The following HDAC9 variants were observed in gnomAD, a reference collection of about 807,000 sequenced individuals.
HDAC9 encodes histone deacetylase 9, also known as MEF-2 interacting transcription repressor (MITR) protein.
A neutral mutation model predicts 139.4 loss-of-function variants in HDAC9; 41 were observed. That is an observed-to-expected ratio of 0.29 (90% confidence interval 0.23 to 0.38). The LOEUF is 0.38. HDAC9 is among the 10% of genes least tolerant of loss of function. The probability of loss-of-function intolerance (pLI) is 1.00; values close to 1 mark genes in which losing one functional copy is unlikely to be tolerated. For synonymous variants in HDAC9, 517 were observed against 476.2 expected (o/e 1.09, Z -1.12); for missense variants, 1,147 against 1,297.0 (o/e 0.88, Z 1.78).
rs1048681552 is a variant in HDAC9 at position 18,398,530 on chromosome 7, C to A, written c.-41-97732C>A. Among the ~76,000 whole-genome samples the A allele has an allele frequency of 3.1e-4, 47 of 151,208 alleles. 1 individual carries two copies. Among genetic ancestry groups the A allele is most frequent in the Admixed American group, 3.0e-3 (46 of 15,208 alleles). On this transcript the variant is annotated intron_variant, in intron 1 of 3. Transcript: ENST00000413509. ...TACAACATTTGCCTTTTTTTTTAAC[C>A]TGGAAACATTGTGATGGACTTTATA...
rs956628512 is a variant in HDAC9 at position 18,802,663 on chromosome 7, G to T, written c.2322+9211G>T. Among the ~76,000 whole-genome samples the T allele has an allele frequency of 2.6e-5, 4 of 151,530 alleles. No homozygotes were observed. The East Asian group carries it at 7.7e-4, about 29-fold the overall frequency. On this transcript the variant is annotated intron_variant, in intron 17 of 25. Transcript: ENST00000686413. ...TATCTTTATGGAACTGTTAATTTTTGCTTTAGATATTTAAAAACTCTGTTA... is the reference window on the plus strand; with the variant it reads ...TATCTTTATGGAACTGTTAATTTTTTCTTTAGATATTTAAAAACTCTGTTA...
At chr7:18,110,274 A>T (rs531012020) in intron 1 of HDAC9, among the ~76,000 whole-genome samples, 1 of 152,328 alleles carries the variant, frequency 6.6e-6, no homozygotes, top group South Asian at 2.1e-4. Context: ...GCAGAAGTTC[A>T]TAGTCTACTG....
intron 1 of HDAC9, among the ~76,000 whole-genome samples, chr7:18,381,632 CTATT>C (rs1207557687): frequency 5.9e-5 from 9 of 151,902 alleles, no homozygotes; most frequent in Admixed American, 1.3e-4. Context: ...TGAGAATAGA[CTATT>C]CATTCAGTAC....
At chr7:18,969,767 T>C (rs897535649) in intron 24 of HDAC9, among the ~76,000 whole-genome samples, 2 of 152,304 alleles carry the variant, frequency 1.3e-5, no homozygotes, top group Admixed American at 6.5e-5. Flanking sequence ...AGAAAATTAG[T>C]GAAGTTGAAG....
intron 17 of HDAC9, among the ~76,000 whole-genome samples, chr7:18,824,087 G>GAAGAAGAAC (rs1331001570): frequency 2.3e-4 from 34 of 147,540 alleles, no homozygotes; most frequent in African/African-American, 7.4e-4. Context: ...AGAAGAAGAA[G>GAAGAAGAAC]AACAAGAACA....
chr7:18,157,608 G>A (rs953995953), intron 1 of HDAC9, among the ~76,000 whole-genome samples: 3 of 152,186 alleles, frequency 2.0e-5, no homozygotes, highest in Admixed American at 6.5e-5. Flanking sequence ...AGAGGTCAGT[G>A]TTCTGACTCT....
At chr7:18,849,522 C>G (rs182170521) in intron 21 of HDAC9, among the ~76,000 whole-genome samples, 1 of 152,126 alleles carries the variant, frequency 6.6e-6, no homozygotes, top group East Asian at 1.9e-4. Flanking sequence ...GGGCACATAT[C>G]TCCCACACTT....
chr7:18,825,609 A>C (rs1795363287), intron 17 of HDAC9, among the ~76,000 whole-genome samples: 2 of 152,008 alleles, frequency 1.3e-5, no homozygotes, highest in Admixed American at 1.3e-4. Flanking sequence ...AAAGTAGGAC[A>C]GACCACCTTT....
At chr7:18,458,916 T>C in intron 1 of HDAC9, 2 of 1,522,178 alleles carry the variant, frequency 1.3e-6, no homozygotes, top group Non-Finnish European at 1.8e-6. Context: ...AACCAGACCT[T>C]ATCCTTTTTC....
chr7:18,697,850 G>GATGTTATTTTAGGGTTGA (rs1461760236), intron 12 of HDAC9, among the ~76,000 whole-genome samples: 3 of 151,962 alleles, frequency 2.0e-5, no homozygotes, highest in Non-Finnish European at 4.4e-5. Flanking sequence ...TTTAGGGTTG[G>GATGTTATTTTAGGGTTGA]ATGTTATTTT....
intron 12 of HDAC9, among the ~76,000 whole-genome samples, chr7:18,719,734 T>C (rs1305641720): frequency 6.6e-6 from 1 of 152,136 alleles, no homozygotes; most frequent in Non-Finnish European, 1.5e-5. Flanking sequence ...AATATTATAG[T>C]TTTAGATCTT....
At chr7:18,926,152 C>G (rs1405004438) in intron 22 of HDAC9, among the ~76,000 whole-genome samples, 1 of 152,066 alleles carries the variant, frequency 6.6e-6, no homozygotes, top group Non-Finnish European at 1.5e-5. Context: ...AGTTCTAGAC[C>G]AGCCTGGGCA....
At chr7:18,128,838 C>T (rs1309152986) in intron 1 of HDAC9, among the ~76,000 whole-genome samples, 1 of 152,036 alleles carries the variant, frequency 6.6e-6, no homozygotes, top group African/African-American at 2.4e-5. Flanking sequence ...TTCCTTCCCT[C>T]TCTTCCTGTC....
intron 24 of HDAC9, among the ~76,000 whole-genome samples, chr7:18,972,346 A>AGC (rs1389370674): frequency 1.4e-5 from 2 of 140,934 alleles, no homozygotes; most frequent in Admixed American, 1.4e-4. Context: ...ACTTTTAGTT[A>AGC]GCTCAATTTT....
At chr7:18,908,627 A>G (rs1189769994) in intron 22 of HDAC9, among the ~76,000 whole-genome samples, 1 of 152,102 alleles carries the variant, frequency 6.6e-6, no homozygotes, top group African/African-American at 2.4e-5. Flanking sequence ...TTCCACATGT[A>G]AGTGAGATTG....
At chr7:18,801,325 T>C (rs1793266885) in intron 17 of HDAC9, among the ~76,000 whole-genome samples, 1 of 152,122 alleles carries the variant, frequency 6.6e-6, no homozygotes, top group African/African-American at 2.4e-5. Context: ...TTTTACATTG[T>C]ATGAAATGTT....
At chr7:18,954,816 T>A (rs888635504) in intron 24 of HDAC9, among the ~76,000 whole-genome samples, 1 of 152,080 alleles carries the variant, frequency 6.6e-6, no homozygotes, top group Admixed American at 6.6e-5. Context: ...AAGGGCACTA[T>A]TAGGTGTCCA....
intron 2 of HDAC9, among the ~76,000 whole-genome samples, chr7:18,212,066 A>G (rs184969210): frequency 6.6e-6 from 1 of 152,148 alleles, no homozygotes; most frequent in African/African-American, 2.4e-5. Flanking sequence ...AAAAATTAGA[A>G]TGTCCAAGTC....
In HDAC9 at chr7:18,954,153, C is replaced by G. The variant is rs1312382785; in HGVS notation, c.2945C>G (p.Pro982Arg). The G allele has an allele frequency of 1.9e-6, 3 of 1,563,126 alleles. No homozygotes were observed. Among genetic ancestry groups the G allele is most frequent in the South Asian group, 1.2e-5 (1 of 85,380 alleles). ...VNALLGNELE[P>R]LAEDILHQSP... ...TATCTACTATTCTTGCAGCTGGAGC[C>G]ACTTGCAGAAGATATTCTCCACCAA... Residue 982 changes from proline to arginine, a missense_variant, in exon 24 of 26, where the codon CCA (proline) becomes CGA (arginine). Around this residue, in one of 7 missense-constraint regions of HDAC9, gnomAD observed 407 missense variants for 521.5 expected, o/e 0.78. Transcript: ENST00000686413.
Sources: allele counts gnomAD v4.1 joint callset (sites outside exome capture counted in the v4.1 genomes callset), GRCh38; gene constraint gnomAD v4.1.1; regional missense constraint gnomAD v4.1.1; transcripts MANE v1.5; gene names NCBI Gene and HGNC (gene_info 2026-07-23, HGNC 2026-07-21).